FARS2: variants seen among roughly 807,000 people sequenced by gnomAD.
FARS2 encodes the protein phenylalanyl-tRNA synthetase 2, mitochondrial, also known as phenylalanine--tRNA ligase, mitochondrial.
In FARS2, 40 loss-of-function variants were observed where a neutral mutation model predicts 46.4. That is an observed-to-expected ratio of 0.86 (90% CI 0.67 to 1.12). FARS2 has a LOEUF of 1.12. FARS2 is among the 50% of genes most tolerant of loss of function. The pLI is 0.00. For missense variants in FARS2, 513 were observed against 567.9 expected (o/e 0.90, Z 0.98); for synonymous variants, 234 against 214.9 (o/e 1.09, Z -0.78).
chr6:5,513,141 C>T (rs559664937), intron 4 of FARS2, among the ~76,000 whole-genome samples: 2 of 152,068 alleles, frequency 1.3e-5, no homozygotes, highest in Non-Finnish European at 2.9e-5. Context: ...TGGAGAGAAA[C>T]TAGGTTCACG....
chr6:5,268,785 A>G (rs1235549688), intron 1 of FARS2, among the ~76,000 whole-genome samples: 7 of 152,138 alleles, frequency 4.6e-5, no homozygotes, highest in African/African-American at 1.7e-4. Flanking sequence ...TCTATAAATT[A>G]CCTTGGGCAG....
rs1323701374 is a variant in FARS2 at position 5,630,400 on chromosome 6, C to T, written c.1217+17080C>T. On this transcript the variant is annotated intron_variant, in intron 6 of 6. Coordinates refer to ENST00000274680, the MANE Select transcript of FARS2 (RefSeq NM_006567.5). This position sits in a 1 kb window ranked among gnomAD's most constrained non-coding sequence, Gnocchi z 4.2. ...ATGGTAGAAAAATACTTTGGATGAT[C>T]ATGTTTCTTTAAATATCCCACCCGT... 6.6e-6 allele frequency among the ~76,000 whole-genome samples: 1 copy of T among 152,170 alleles called. No homozygotes were observed. Among genetic ancestry groups the T allele is most frequent in the Non-Finnish European group, 1.5e-5 (1 of 68,040 alleles).
In FARS2 at chr6:5,764,495, A is replaced by G. The variant is rs571065847; in HGVS notation, c.1218-6796A>G. 1.5e-4 allele frequency among the ~76,000 whole-genome samples: 23 copies of G among 152,280 alleles called. No individual in the cohort carries two copies. Among genetic ancestry groups the G allele is most frequent in the African/African-American group, 5.3e-4 (22 of 41,556 alleles). On this transcript the variant is annotated intron_variant, in intron 6 of 6. Transcript: ENST00000274680. The surrounding 1 kb of genome is among the most constrained non-coding windows in gnomAD (Gnocchi z 4.1). ...CCAGACTGAGCTTCTGCATCAGACA[A>G]GCAGGAGACAGATGAGGAGTGAGCC...
At chr6:5,283,086 A>C (rs1766852677) in intron 1 of FARS2, among the ~76,000 whole-genome samples, 1 of 151,926 alleles carries the variant, frequency 6.6e-6, no homozygotes, top group South Asian at 2.1e-4. Context: ...AAAATTCAAA[A>C]AAAATGCAGG....
At chr6:5,259,513 G>A (rs1286173653), upstream of FARS2, among the ~76,000 whole-genome samples, 1 of 152,198 alleles carries the variant, frequency 6.6e-6, no homozygotes, top group Admixed American at 6.5e-5. Context: ...TTTCCAGGCG[G>A]GTTTCTAAAA....
At chr6:5,499,331 G>A (rs1767656992) in intron 4 of FARS2, among the ~76,000 whole-genome samples, 2 of 152,166 alleles carry the variant, frequency 1.3e-5, no homozygotes, top group Non-Finnish European at 2.9e-5. Flanking sequence ...TTCCCTAGTG[G>A]TTTTATTAGG....
chr6:5,629,281 A>G (rs1776179167), intron 6 of FARS2, among the ~76,000 whole-genome samples: 1 of 152,232 alleles, frequency 6.6e-6, no homozygotes, highest in Non-Finnish European at 1.5e-5. Context: ...TTGTGAAAAA[A>G]TGTCTTAAAT....
chr6:5,667,525 A>C (rs1778203569), intron 6 of FARS2, among the ~76,000 whole-genome samples: 1 of 106,868 alleles, frequency 9.4e-6, no homozygotes, highest in Non-Finnish European at 1.9e-5. Flanking sequence ...CTCAAGAAAA[A>C]AAAAAAAAGA....
chr6:5,302,676 G>A (rs1768403522), intron 1 of FARS2, among the ~76,000 whole-genome samples: 3 of 152,186 alleles, frequency 2.0e-5, no homozygotes, highest in Admixed American at 2.0e-4. Flanking sequence ...TGTGAACCAG[G>A]CAGTGTGGCT....
Position 5,295,771 on chromosome 6 carries a change from G to A in FARS2, c.-22+34111G>A, listed in dbSNP as rs73718050. Among the ~76,000 whole-genome samples, 626 of 152,248 alleles carry A rather than the reference G, an allele frequency of 4.1e-3. 4 individuals are homozygous for A. Among genetic ancestry groups the A allele is most frequent in the African/African-American group, 0.014 (594 of 41,540 alleles). On this transcript the variant is annotated intron_variant, in intron 1 of 6. Transcript: ENST00000274680. ...TAGGTGGCTTCTTCATCTTCATCCTGTTGCAGTGGGAGTTTTCTCTAAATG... is the reference window on the plus strand; with the variant it reads ...TAGGTGGCTTCTTCATCTTCATCCTATTGCAGTGGGAGTTTTCTCTAAATG...
At chr6:5,327,703 G>A (rs1770499129) in intron 1 of FARS2, among the ~76,000 whole-genome samples, 2 of 152,172 alleles carry the variant, frequency 1.3e-5, no homozygotes, top group South Asian at 2.1e-4. Context: ...TTAGCACTGT[G>A]AGAACAGACT....
chr6:5,276,119 C>T (rs533822413), intron 1 of FARS2, among the ~76,000 whole-genome samples: 1 of 152,250 alleles, frequency 6.6e-6, no homozygotes, highest in South Asian at 2.1e-4. Flanking sequence ...GAATTATTGA[C>T]ACAAGTTATT....
At chr6:5,367,103 C>T (rs1008456845) in intron 1 of FARS2, among the ~76,000 whole-genome samples, 2 of 152,230 alleles carry the variant, frequency 1.3e-5, no homozygotes, top group Non-Finnish European at 1.5e-5. Context: ...CAATCACACA[C>T]AAGCACAGCC....
At chr6:5,428,527 T>C (rs1762974838) in intron 3 of FARS2, among the ~76,000 whole-genome samples, 1 of 152,206 alleles carries the variant, frequency 6.6e-6, no homozygotes, top group Non-Finnish European at 1.5e-5. Flanking sequence ...ACTGTTGTCA[T>C]AAAATGTTTT....
intron 4 of FARS2, among the ~76,000 whole-genome samples, chr6:5,456,567 A>G (rs1247318332): frequency 2.0e-5 from 3 of 151,880 alleles, no homozygotes; most frequent in Non-Finnish European, 4.4e-5. Flanking sequence ...CCCCACCTCT[A>G]CTAAAAGCAC....
chr6:5,717,792 A>G (rs1052354599), intron 6 of FARS2, among the ~76,000 whole-genome samples: 1 of 152,036 alleles, frequency 6.6e-6, no homozygotes, highest in African/African-American at 2.4e-5. Flanking sequence ...ATTATCCATC[A>G]GGGAGCTGGC....
intron 1 of FARS2, among the ~76,000 whole-genome samples, chr6:5,339,774 G>C (rs1771423430): frequency 6.6e-6 from 1 of 152,100 alleles, no homozygotes; most frequent in South Asian, 2.1e-4. Flanking sequence ...AAGAAGCTTG[G>C]CTCACAGCAA....
intron 5 of FARS2, among the ~76,000 whole-genome samples, chr6:5,601,524 C>CAAAAAA (rs70975920): frequency 4.3e-5 from 4 of 92,164 alleles, no homozygotes; most frequent in African/African-American, 1.0e-4. Context: ...AACTCCATCA[C>CAAAAAA]AAAAAAAAAA....
At chr6:5,766,482 G>A (rs1391449182) in intron 6 of FARS2, among the ~76,000 whole-genome samples, 1 of 152,212 alleles carries the variant, frequency 6.6e-6, no homozygotes, top group Non-Finnish European at 1.5e-5. Context: ...TGGTGGAAGG[G>A]CAGAGCCAGA....
Sources: allele counts gnomAD v4.1 joint callset (sites outside exome capture counted in the v4.1 genomes callset), GRCh38; gene constraint gnomAD v4.1.1; non-coding constraint Gnocchi (gnomAD v3.1); transcripts MANE v1.5; gene names NCBI Gene and HGNC (gene_info 2026-07-23, HGNC 2026-07-21).